FOXN3: variants seen among roughly 807,000 people sequenced by gnomAD.
FOXN3 encodes the protein forkhead box protein N3.
FOXN3 carries 7 observed loss-of-function variants against 38.4 expected under a neutral mutation model. The observed-to-expected ratio is 0.18, with a 90% CI of 0.10 to 0.34. The LOEUF (loss-of-function observed/expected upper bound fraction) is 0.34. Among genes scored for constraint, FOXN3 ranks in the 10% least tolerant of loss-of-function variants. The probability of loss-of-function intolerance (pLI) is 1.00; values close to 1 mark genes in which losing one functional copy is unlikely to be tolerated. For synonymous variants in FOXN3, 230 were observed against 242.2 expected, an observed-to-expected ratio of 0.95 and a Z score of 0.47; for missense variants, 456 against 613.4, an observed-to-expected ratio of 0.74 and a Z score of 2.71.
intron 2 of FOXN3, chr14:89,356,402 A>T (rs1889227232): frequency 1.3e-5 from 2 of 152,060 alleles, no homozygotes; most frequent in African/African-American, 4.8e-5. Context: ...ATCTCAAAAA[A>T]ATATATAATA....
At chr14:89,226,755 CT>C (rs1165093833) in intron 4 of FOXN3, among the ~76,000 whole-genome samples, 2 of 152,126 alleles carry the variant, frequency 1.3e-5, no homozygotes, top group Non-Finnish European at 2.9e-5. Flanking sequence ...GGATGGGCCC[CT>C]AATCTAATAT....
chr14:89,568,581 G>T (rs1895415775), intron 1 of FOXN3, among the ~76,000 whole-genome samples: 1 of 152,140 alleles, frequency 6.6e-6, no homozygotes, highest in South Asian at 2.1e-4. Flanking sequence ...AGCTCCTCAG[G>T]GCTGGCCCCT....
intron 2 of FOXN3, among the ~76,000 whole-genome samples, chr14:89,366,260 G>A (rs28419456): frequency 4.4e-4 from 64 of 146,728 alleles, no homozygotes; most frequent in Middle Eastern, 3.6e-3. Flanking sequence ...CTCAAAAAAA[G>A]AAAAAAAAAA....
In FOXN3 at chr14:89,412,050, A is replaced by G; in HGVS notation, c.427T>C (p.Trp143Arg). Residue 143 changes from tryptophan to arginine, a missense_variant, in exon 2 of 6, where the codon TGG (tryptophan) becomes CGG (arginine). Transcript: ENST00000557258. The surrounding 1 kb of genome is among the most constrained non-coding windows in gnomAD (Gnocchi z 4.7). ...AAATACGGAAAATGTTCCAAGATCC[A>G]GTTGTAGATATCCTTCACTGGCAGG... ...KRLPVKDIYN[W>R]ILEHFPYFAN... The G allele has an allele frequency of 6.2e-7, 1 of 1,613,364 alleles. No homozygotes were observed. Among genetic ancestry groups the G allele is most frequent in the Non-Finnish European group, 8.5e-7 (1 of 1,179,744 alleles).
intron 4 of FOXN3, among the ~76,000 whole-genome samples, chr14:89,241,827 C>T (rs1390234155): frequency 6.6e-6 from 1 of 152,180 alleles, no homozygotes; most frequent in Admixed American, 6.5e-5. Flanking sequence ...CTCAAGAAAA[C>T]AGAAAATGGG....
chr14:89,501,826 C>A (rs1049825943), intron 1 of FOXN3, among the ~76,000 whole-genome samples: 4 of 150,900 alleles, frequency 2.7e-5, no homozygotes, highest in Non-Finnish European at 5.9e-5. Flanking sequence ...CCAGCCCGGG[C>A]AACAAGAGTG....
chr14:89,428,067 G>A (rs188358771), intron 1 of FOXN3, among the ~76,000 whole-genome samples: 5 of 152,136 alleles, frequency 3.3e-5, no homozygotes, highest in Non-Finnish European at 4.4e-5. Context: ...AACTTCTCTC[G>A]TTTTACTTTT....
rs1428203243 is a variant in FOXN3 at position 89,161,801 on chromosome 14, G to A, written c.*613C>T. 1.6e-4 allele frequency: 25 copies of A among 152,270 alleles called. No individual in the cohort carries two copies. The highest frequency in any genetic ancestry group is 1.6e-3 in the Admixed American group (25 of 15,278). The allele number at this position is 152,270 out of a possible 1,614,324, so 9.4% of individuals were successfully genotyped here. On this transcript the variant is annotated 3_prime_UTR_variant, in exon 6 of 6. Transcript: ENST00000557258. ...GGCTTCAGGGTTCAGAAGCATCGAG[G>A]ACTGGTGGCCGGCCCTCTGTGCTCG...
intron 4 of FOXN3, among the ~76,000 whole-genome samples, chr14:89,215,872 A>G (rs1359906870): frequency 6.6e-6 from 1 of 152,214 alleles, no homozygotes; most frequent in Admixed American, 6.5e-5. Context: ...AGATGACGGA[A>G]TAATGAAATG....
intron 1 of FOXN3, among the ~76,000 whole-genome samples, chr14:89,433,827 A>G (rs1422035562): frequency 6.6e-6 from 1 of 151,670 alleles, no homozygotes; most frequent in East Asian, 1.9e-4. Context: ...AAAAAAAAAG[A>G]AAAGAAACAG....
chr14:89,453,617 A>C (rs1477050299), intron 1 of FOXN3, among the ~76,000 whole-genome samples: 1 of 152,058 alleles, frequency 6.6e-6, no homozygotes, highest in Admixed American at 6.6e-5. Context: ...GTACCCCATA[A>C]ATATGTACGA....
rs1447151044 is a variant in FOXN3, at chr14:89,162,871, C to T, written c.950G>A (p.Ser317Asn). ...GCTCCGGGCGTTGGAGGACTTGGCACTGCTGTAGTTGTGATCCTCCTTGGG... is the reference window on the plus strand; with the variant it reads ...GCTCCGGGCGTTGGAGGACTTGGCATTGCTGTAGTTGTGATCCTCCTTGGG... ...GDPKEDHNYS[S>N]AKSSNARSTS... The change falls in exon 6 of 6, where the codon AGT becomes AAT. Residue 317 changes from serine to asparagine, a missense_variant. By Grantham distance (46) the Ser-to-Asn change is conservative (BLOSUM62 1). Around this residue, in one of 3 missense-constraint regions of FOXN3, gnomAD observed 386 missense variants for 505.2 expected, o/e 0.76. Transcript: ENST00000557258. This position sits in a 1 kb window ranked among gnomAD's most constrained non-coding sequence, Gnocchi z 7.2. 1.3e-5 allele frequency: 21 copies of T among 1,611,646 alleles called. No individual in the cohort carries two copies. The highest frequency in any genetic ancestry group is 1.8e-5 in the Non-Finnish European group (21 of 1,179,926).
intron 1 of FOXN3, among the ~76,000 whole-genome samples, chr14:89,581,019 CAA>C (rs57120573): frequency 4.9e-4 from 71 of 144,380 alleles, no homozygotes; most frequent in Admixed American, 5.5e-4. Flanking sequence ...CTCATCTCTA[CAA>C]AAAAAAAAAA....
chr14:89,358,743 T>C (rs568410532), intron 2 of FOXN3, among the ~76,000 whole-genome samples: 1 of 152,340 alleles, frequency 6.6e-6, no homozygotes, highest in African/African-American at 2.4e-5. Flanking sequence ...GTACCACCCA[T>C]GTGTGGGGTC....
chr14:89,351,828 A>C (rs1382148219), intron 2 of FOXN3, among the ~76,000 whole-genome samples: 1 of 152,234 alleles, frequency 6.6e-6, no homozygotes, highest in East Asian at 1.9e-4. Flanking sequence ...GCAAACAAGA[A>C]GCTGTTTAAC....
At chr14:89,246,840 G>C (rs927037943) in intron 4 of FOXN3, among the ~76,000 whole-genome samples, 2 of 152,106 alleles carry the variant, frequency 1.3e-5, no homozygotes, top group African/African-American at 2.4e-5. Context: ...TGCCCAGCCG[G>C]ATGCGGCTTT....
chr14:89,164,498 C>T lies in FOXN3; in HGVS notation c.852-1529G>A, dbSNP rs532683113. On this transcript the variant is annotated intron_variant, in intron 5 of 5. Transcript: ENST00000557258. This position sits in a 1 kb window ranked among gnomAD's most constrained non-coding sequence, Gnocchi z 4.3. ...TCTTACATCCCCTCCATAGAGGGCA[C>T]TCCCCACCATCATTATGAACTGTGT... Among the ~76,000 whole-genome samples the T allele has an allele frequency of 2.6e-5, 4 of 152,202 alleles. No homozygotes were observed. Among genetic ancestry groups the T allele is most frequent in the Non-Finnish European group, 5.9e-5 (4 of 68,034 alleles).
In FOXN3 at chr14:89,548,703, A is replaced by G. The variant is rs777089099; in HGVS notation, c.-15+70325T>C. On this transcript the variant is annotated intron_variant, in intron 1 of 6. Coordinates refer to the FOXN3 transcript ENST00000345097. This position sits in a 1 kb window ranked among gnomAD's most constrained non-coding sequence, Gnocchi z 4.8. The stretch of plus-strand genomic sequence containing the variant: ...TATATATATGTATGTATGTATGTAT[A>G]TATGCCTATATATTACAAGATCTAG... Among the ~76,000 whole-genome samples, 10 of 152,192 alleles carry G rather than the reference A, an allele frequency of 6.6e-5. No individual in the cohort carries two copies. The highest frequency in any genetic ancestry group is 2.1e-4 in the South Asian group (1 of 4,834).
intron 2 of FOXN3, among the ~76,000 whole-genome samples, chr14:89,405,536 C>A (rs572214642): frequency 3.9e-5 from 6 of 152,230 alleles, no homozygotes; most frequent in African/African-American, 1.4e-4. Flanking sequence ...CAACAGTGTA[C>A]ACGCAGGGAG....
Sources: allele counts gnomAD v4.1 joint callset (sites outside exome capture counted in the v4.1 genomes callset), GRCh38; gene constraint gnomAD v4.1.1; regional missense constraint gnomAD v4.1.1; non-coding constraint Gnocchi (gnomAD v3.1); transcripts MANE v1.5; gene names NCBI Gene and HGNC (gene_info 2026-07-23, HGNC 2026-07-21).